The following EFTUD2 variants were observed in gnomAD, a reference collection of about 807,000 sequenced individuals.
EFTUD2 encodes the protein elongation factor Tu GTP binding domain containing 2.
A neutral mutation model predicts 114.3 loss-of-function variants in EFTUD2; 9 were observed. The ratio of observed to expected loss-of-function variants is 0.08; its 90% CI spans 0.05 to 0.14. The LOEUF is 0.14. Among genes scored for constraint, EFTUD2 ranks in the 10% least tolerant of loss-of-function variants. The pLI is 1.00. For missense variants in EFTUD2, 765 were observed against 1,241.2 expected (o/e 0.62, Z 5.76); for synonymous variants, 449 against 462.3 (o/e 0.97, Z 0.37).
chr17:44,859,658 C>G lies in EFTUD2; in HGVS notation c.1860+247G>C, dbSNP rs776765885. The G allele has an allele frequency of 2.8e-4, 166 of 602,864 alleles. 1 individual carries two copies. The highest frequency in any genetic ancestry group is 3.9e-4 in the Non-Finnish European group (133 of 340,600). 37.3% of individuals were successfully genotyped at this position (602,864 alleles called of 1,614,324 possible). Reference sequence around the variant, plus strand: ...ACAAATACGCACACACACACACACACACAACCTTGTCCTATACCCCCCATC... The same window carrying G: ...ACAAATACGCACACACACACACACAGACAACCTTGTCCTATACCCCCCATC... On this transcript the variant is annotated intron_variant, in intron 18 of 27. Coordinates refer to ENST00000426333, the MANE Select transcript of EFTUD2 (RefSeq NM_004247.4).
intron 11 of EFTUD2, among the ~76,000 whole-genome samples, 178 bp downstream of exon 11, chr17:44,872,268 C>T (rs533382251): frequency 6.6e-6 from 1 of 152,300 alleles, no homozygotes; most frequent in East Asian, 1.9e-4. Context: ...TATTTAGAAA[C>T]CACTTAGCCT....
intron 4 of EFTUD2, 54 bp from the exon 5 acceptor site, chr17:44,883,778 G>T: frequency 6.4e-7 from 1 of 1,570,580 alleles, no homozygotes; most frequent in South Asian, 1.1e-5. Flanking sequence ...TTCCAAATGA[G>T]GAGTGGTGTA....
intron 9 of EFTUD2, among the ~76,000 whole-genome samples, chr17:44,876,868 A>AC (rs2050964459): frequency 6.7e-6 from 1 of 150,160 alleles, no homozygotes; most frequent in African/African-American, 2.4e-5. Context: ...AAAAAAAAAA[A>AC]AAAAAAAAAA....
intron 9 of EFTUD2, among the ~76,000 whole-genome samples, chr17:44,877,525 G>A (rs2050985371): frequency 6.6e-6 from 1 of 152,170 alleles, no homozygotes; most frequent in African/African-American, 2.4e-5. Context: ...CAACCAATAG[G>A]CCAGGCGCAG....
chr17:44,851,238 A>C lies in EFTUD2; in HGVS notation c.*36T>G, dbSNP rs1179597099. ...GCTTCAAGTACAGGAGTTGCAGCCCACTGTAGGGAGCAGGAGCTCCCAGGA... is the reference window on the plus strand; with the variant it reads ...GCTTCAAGTACAGGAGTTGCAGCCCCCTGTAGGGAGCAGGAGCTCCCAGGA... On this transcript the variant is annotated 3_prime_UTR_variant, in exon 28 of 28. Coordinates refer to ENST00000426333, the MANE Select transcript of EFTUD2 (RefSeq NM_004247.4). 6.4e-7 allele frequency: 1 copy of C among 1,553,598 alleles called. No individual in the cohort carries two copies. The highest frequency in any genetic ancestry group is 1.1e-5 in the South Asian group (1 of 89,798).
intron 9 of EFTUD2, among the ~76,000 whole-genome samples, chr17:44,878,542 G>A (rs1051805130): frequency 6.6e-6 from 1 of 152,188 alleles, no homozygotes; most frequent in African/African-American, 2.4e-5. Flanking sequence ...CTGTACAACA[G>A]GACTGTATCA....
Position 44,862,866 on chromosome 17 carries a change from T to C in EFTUD2, c.1454A>G (p.Asp485Gly). The change falls in exon 16 of 28, where the codon GAT becomes GGT. Residue 485 changes from aspartate (D) to glycine (G), a missense_variant. This residue lies in a region of EFTUD2 where 149 missense variants were observed against 245.1 expected (regional missense o/e 0.61). Coordinates refer to ENST00000426333, the MANE Select transcript of EFTUD2 (RefSeq NM_004247.4). ...MCHTTKMYST[D>G]DGVQFHAFGR... is the part of the protein sequence containing the mutation. Reference sequence around the variant, plus strand: ...AAAGGCGTGAAACTGGACTCCATCATCTGTGCTGTACATCTTAGTAGTGTG... The same window carrying C: ...AAAGGCGTGAAACTGGACTCCATCACCTGTGCTGTACATCTTAGTAGTGTG... The C allele has an allele frequency of 6.2e-7, 1 of 1,614,198 alleles. No individual in the cohort carries two copies. Among genetic ancestry groups the C allele is most frequent in the South Asian group, 1.1e-5 (1 of 91,080 alleles).
intron 1 of EFTUD2, among the ~76,000 whole-genome samples, chr17:44,895,470 T>G (rs1490920042): frequency 7.3e-6 from 1 of 137,834 alleles, no homozygotes; most frequent in Admixed American, 8.3e-5. Context: ...CACTCCAGCC[T>G]GGGAGACAGA....
At chr17:44,872,418 G>A (rs1325743816) in intron 11 of EFTUD2, 28 bp downstream of exon 11, 1 of 1,609,256 alleles carries the variant, frequency 6.2e-7, no homozygotes, top group Non-Finnish European at 8.5e-7. Context: ...GGGGAAGCTG[G>A]TGAGACAGAC....
At chr17:44,893,640 C>T (rs2051322229) in intron 2 of EFTUD2, among the ~76,000 whole-genome samples, 1 of 152,056 alleles carries the variant, frequency 6.6e-6, no homozygotes, top group African/African-American at 2.4e-5. Flanking sequence ...ACCTTAGTAG[C>T]GAAGCTTTGC....
chr17:44,891,506 T>C (rs549867276), intron 2 of EFTUD2, among the ~76,000 whole-genome samples: 10 of 152,270 alleles, frequency 6.6e-5, no homozygotes, highest in African/African-American at 2.4e-4. Context: ...TGTACCACCA[T>C]GCTTGGCTAA....
intron 1 of EFTUD2, chr17:44,898,993 T>C (rs2051456434): frequency 6.6e-6 from 1 of 152,222 alleles, no homozygotes; most frequent in African/African-American, 2.4e-5. Context: ...CGCTTCCCGC[T>C]ACAATGCAGG....
intron 2 of EFTUD2, among the ~76,000 whole-genome samples, chr17:44,893,769 G>T (rs1236739680): frequency 1.4e-4 from 3 of 21,660 alleles, no homozygotes; most frequent in South Asian, 1.3e-3. Context: ...AAAAAAGGTG[G>T]GGGGGGGGGT....
Position 44,896,483 on chromosome 17 carries a change from TAAAAATAC to T in EFTUD2, c.-4-1966_-4-1959del, listed in dbSNP as rs1416629181. On this transcript the variant is annotated intron_variant, in intron 1 of 27. Transcript: ENST00000426333. Reference sequence around the variant, plus strand: ...TAACACAGTGAAACCCCGTCTCTACTAAAAATACAAAAAATTAGCCAGGTGTGGTGGCA... The same window carrying T: ...TAACACAGTGAAACCCCGTCTCTACTAAAAAATTAGCCAGGTGTGGTGGCA... Among the ~76,000 whole-genome samples the T allele has an allele frequency of 2.0e-5, 3 of 151,914 alleles. No individual in the cohort carries two copies. In the East Asian group the frequency reaches 5.8e-4, roughly 29 times the overall value.
intron 27 of EFTUD2, 110 bp from the exon 28 acceptor site, chr17:44,851,479 G>A (rs2050446781): frequency 2.0e-6 from 2 of 990,614 alleles, no homozygotes; most frequent in South Asian, 1.3e-5. Context: ...TGGAATGTAG[G>A]TGGTGGTGTT....
chr17:44,886,116 A>G (rs1244703611), intron 3 of EFTUD2, among the ~76,000 whole-genome samples: 1 of 152,132 alleles, frequency 6.6e-6, no homozygotes, highest in East Asian at 1.9e-4. Context: ...AGACACCTAT[A>G]ATCCCAGCTA....
At chr17:44,865,242 C>G in intron 13 of EFTUD2, 177 bp from the exon 14 acceptor site, 2 of 821,792 alleles carry the variant, frequency 2.4e-6, no homozygotes, top group Non-Finnish European at 3.6e-6. Flanking sequence ...TGCTACCTAC[C>G]CTTCAAACCA....
At chr17:44,882,529 T>A (rs926998496) in intron 6 of EFTUD2, among the ~76,000 whole-genome samples, 4 of 152,230 alleles carry the variant, frequency 2.6e-5, no homozygotes, top group African/African-American at 9.6e-5. Context: ...GTACTGGGAT[T>A]ATAGGCATGA....
intron 2 of EFTUD2, among the ~76,000 whole-genome samples, chr17:44,887,984 T>G (rs2051205345): frequency 6.6e-6 from 1 of 152,144 alleles, no homozygotes. Flanking sequence ...TAAGCACTGT[T>G]CCAGGTGTTA....
Sources: allele counts gnomAD v4.1 joint callset (sites outside exome capture counted in the v4.1 genomes callset), GRCh38; gene constraint gnomAD v4.1.1; regional missense constraint gnomAD v4.1.1; transcripts MANE v1.5; gene names NCBI Gene and HGNC (gene_info 2026-07-23, HGNC 2026-07-21).